NIBAN3: variants seen among roughly 807,000 people sequenced by gnomAD.
NIBAN3 encodes the protein protein Niban 3.
Under a neutral mutation model 76.4 loss-of-function variants are expected in NIBAN3, and 66 were observed. The ratio of observed to expected loss-of-function variants is 0.86; its 90% CI spans 0.71 to 1.06. The LOEUF (loss-of-function observed/expected upper bound fraction) is 1.06. NIBAN3 is among the 50% of genes least tolerant of loss of function. NIBAN3 has a pLI of 0.00. For missense variants in NIBAN3, 808 were observed against 810.7 expected (o/e 1.00, Z 0.04); for synonymous variants, 360 against 355.2 (o/e 1.01, Z -0.15).
At chr19:17,547,901 G>A (rs1239445167) in intron 13 of NIBAN3, among the ~76,000 whole-genome samples, 2 of 152,206 alleles carry the variant, frequency 1.3e-5, no homozygotes, top group East Asian at 1.9e-4. Context: ...TCATGACCTC[G>A]TGATCCGCCT....
chr19:17,552,948 AT>A lies in NIBAN3; in HGVS notation c.*1051del, dbSNP rs2076178601. The A allele has an allele frequency of 1.3e-5, 2 of 150,534 alleles. No individual in the cohort carries two copies. The highest frequency in any genetic ancestry group is 2.4e-5 in the African/African-American group (1 of 40,968). 9.3% of individuals were successfully genotyped at this position (150,534 alleles called of 1,614,324 possible). ...AATAAATAAATAAATAAATAAATAA[AT>A]AAATAAAATTTAAAAGAAGCTGGGC... On this transcript the variant is annotated 3_prime_UTR_variant, in exon 15 of 15. Transcript: ENST00000599164.
chr19:17,531,926 GCA>G (rs1263469996), intron 2 of NIBAN3, among the ~76,000 whole-genome samples: 4 of 152,226 alleles, frequency 2.6e-5, no homozygotes, highest in Admixed American at 1.3e-4. Context: ...GGAAACTGAG[GCA>G]CAGAGAGGCC....
chr19:17,530,062 A>C (rs1164218321), intron 1 of NIBAN3, among the ~76,000 whole-genome samples: 1 of 150,324 alleles, frequency 6.7e-6, no homozygotes, highest in Admixed American at 6.6e-5. Context: ...GTCTCAAAAA[A>C]AAGAAAAAAA....
At chr19:17,547,812 G>T (rs1681647377) in intron 13 of NIBAN3, among the ~76,000 whole-genome samples, 1 of 151,282 alleles carries the variant, frequency 6.6e-6, no homozygotes, top group South Asian at 2.1e-4. Context: ...GACTACAGGT[G>T]CATGCCAGCA....
chr19:17,552,671 C>T lies in NIBAN3; in HGVS notation c.*773C>T, dbSNP rs1458752074. On this transcript the variant is annotated 3_prime_UTR_variant, in exon 15 of 15. Coordinates refer to ENST00000599164, the MANE Select transcript of NIBAN3 (RefSeq NM_001321827.2). ...TATGGCCAGGCGTGGCAGTGCACAC[C>T]TGTAATCCCAGCACTTTGGGAGGCT... The T allele has an allele frequency of 6.6e-6, 1 of 152,050 alleles. No homozygotes were observed. The highest frequency in any genetic ancestry group is 2.4e-5 in the African/African-American group (1 of 41,386). The allele number at this position is 152,050 out of a possible 1,614,324, so 9.4% of individuals were successfully genotyped here. A position where few individuals can be genotyped will look rare whatever the true frequency, so the allele number is the denominator to read the frequency against.
upstream of NIBAN3, among the ~76,000 whole-genome samples, chr19:17,524,862 A>G (rs547345211): frequency 6.4e-4 from 97 of 152,154 alleles, no homozygotes; most frequent in Non-Finnish European, 1.2e-3. Context: ...TAGCATGAAG[A>G]AGCTTCCCAG....
intron 12 of NIBAN3, among the ~76,000 whole-genome samples, chr19:17,544,435 A>T (rs1489948046): frequency 6.6e-6 from 1 of 152,182 alleles, no homozygotes; most frequent in Admixed American, 6.5e-5. Flanking sequence ...GGTCCCACAC[A>T]TCGCATATCA....
chr19:17,536,650 C>T (rs1453937209), intron 4 of NIBAN3, among the ~76,000 whole-genome samples: 1 of 152,156 alleles, frequency 6.6e-6, no homozygotes, highest in Non-Finnish European at 1.5e-5. Context: ...AGGGATCCTC[C>T]CACTTCAGCC....
chr19:17,542,434 G>C lies in NIBAN3; in HGVS notation c.1329+140G>C, dbSNP rs1020373896. 1.1e-6 allele frequency: 1 copy of C among 897,466 alleles called. No individual in the cohort carries two copies. The highest frequency in any genetic ancestry group is 1.7e-5 in the African/African-American group (1 of 59,228). The allele number at this position is 897,466 out of a possible 1,614,324, so 55.6% of individuals were successfully genotyped here. On this transcript the variant is annotated intron_variant, in intron 10 of 14. Transcript: ENST00000599164. The surrounding 1 kb of genome is among the most constrained non-coding windows in gnomAD (Gnocchi z 4.8). ...CAGTCTCATGGGGACATGAGCCCGT[G>C]ACCAGGCAGCAGCCACATGTGGTGG... is the stretch of plus-strand genomic sequence containing the variant.
upstream of NIBAN3, chr19:17,527,172 G>A: frequency 6.6e-7 from 1 of 1,509,164 alleles, no homozygotes; most frequent in Non-Finnish European, 8.9e-7. Context: ...GGCAACACGG[G>A]CCCCAGGGGA....
Position 17,553,570 on chromosome 19 carries a change from C to T in NIBAN3, c.*1672C>T. Reference sequence around the variant, plus strand: ...GCCTACCCCAAGACAATGAGATATTCCTGACCTTTCCACCTATTTCCCTCC... The same window carrying T: ...GCCTACCCCAAGACAATGAGATATTTCTGACCTTTCCACCTATTTCCCTCC... On this transcript the variant is annotated 3_prime_UTR_variant, in exon 15 of 15. Transcript: ENST00000599164. The T allele has an allele frequency of 1.2e-6, 2 of 1,611,288 alleles. No homozygotes were observed. Among genetic ancestry groups the T allele is most frequent in the Non-Finnish European group, 1.7e-6 (2 of 1,177,468 alleles).
At position 17,537,430 on chromosome 19, in the gene NIBAN3, C is replaced by A; in HGVS notation, c.482C>A (p.Pro161Gln). 2.5e-6 allele frequency: 4 copies of A among 1,614,094 alleles called. No homozygotes were observed. The highest frequency in any genetic ancestry group is 3.4e-6 in the Non-Finnish European group (4 of 1,180,020). Residue 161 changes from proline to glutamine, a missense_variant, in exon 5 of 15, where the codon CCG (proline) becomes CAG (glutamine). Coordinates refer to ENST00000599164, the MANE Select transcript of NIBAN3 (RefSeq NM_001321827.2). ...CTCTTGGAAGTGCCTGTGAGCTTCC[C>A]GCTGTTCCTGCAGCACCCCTTCCGC... ...DSLLEVPVSF[P>Q]LFLQHPFRRH... is the part of the protein sequence containing the mutation.
downstream of NIBAN3, chr19:17,553,727 C>T: frequency 1.5e-6 from 1 of 680,400 alleles, no homozygotes. Flanking sequence ...ATTTGTCATC[C>T]TGCCCCTTTT....
rs370554838 is a variant in NIBAN3 at position 17,540,592 on chromosome 19, C to T, written c.1170+10C>T. The T allele has an allele frequency of 1.2e-5, 18 of 1,474,958 alleles. No individual in the cohort carries two copies. Among genetic ancestry groups the T allele is most frequent in the Non-Finnish European group, 1.6e-5 (18 of 1,109,340 alleles). The allele number at this position is 1,474,958 out of a possible 1,614,324, so 91.4% of individuals were successfully genotyped here. A position where few individuals can be genotyped will look rare whatever the true frequency, so the allele number is the denominator to read the frequency against. ...GCGGCTGCGCAGGGAGGTGAGCTCC[C>T]GTGGGTAGGGGTTCAGTGAGCCAGA... is the stretch of plus-strand genomic sequence containing the variant. On this transcript the variant is annotated intron_variant, in intron 9 of 14. Transcript: ENST00000599164.
At chr19:17,543,026 G>A (rs574031544) in intron 10 of NIBAN3, among the ~76,000 whole-genome samples, 4 of 152,218 alleles carry the variant, frequency 2.6e-5, no homozygotes, top group Non-Finnish European at 5.9e-5. Context: ...AAAGCACTCA[G>A]TGGAGGAGGC....
At chr19:17,554,497 T>C (rs907422392), downstream of NIBAN3, among the ~76,000 whole-genome samples, 2 of 150,296 alleles carry the variant, frequency 1.3e-5, no homozygotes, top group Non-Finnish European at 3.0e-5. Flanking sequence ...GTGAAAATAA[T>C]AATAAGCTGG....
downstream of NIBAN3, chr19:17,553,695 T>C (rs1301177370): frequency 7.8e-6 from 6 of 769,158 alleles, no homozygotes; most frequent in East Asian, 1.2e-4. Context: ...ATGTTAATTC[T>C]GGAACAATTG....
chr19:17,527,372 A>G lies in NIBAN3; in HGVS notation c.32A>G (p.Lys11Arg), dbSNP rs1257567232. The change falls in exon 1 of 15, where the codon AAG becomes AGG. Residue 11 changes from lysine (K) to arginine (R), a missense_variant. Lys to Arg is a conservative substitution (Grantham distance 26, BLOSUM62 2). Coordinates refer to ENST00000599164, the MANE Select transcript of NIBAN3 (RefSeq NM_001321827.2). Reference sequence around the variant, plus strand: ...GGGCGGCCTTCGAGCCCTCTGGACAAGCAGCAGCGGCAGCACCTAAGGGGT... The same window carrying G: ...GGGCGGCCTTCGAGCCCTCTGGACAGGCAGCAGCGGCAGCACCTAAGGGGT... The part of the protein sequence containing the change: MGGRPSSPLD[K>R]QQRQHLRGQV... 3 of 1,516,292 alleles carry G rather than the reference A, an allele frequency of 2.0e-6. No individual in the cohort carries two copies. Among genetic ancestry groups the G allele is most frequent in the Middle Eastern group, 1.9e-4 (1 of 5,238 alleles). The allele number at this position is 1,516,292 out of a possible 1,614,324, so 93.9% of individuals were successfully genotyped here. A position where few individuals can be genotyped will look rare whatever the true frequency, so the allele number is the denominator to read the frequency against.
upstream of NIBAN3, among the ~76,000 whole-genome samples, chr19:17,524,490 G>A (rs1261791875): frequency 6.6e-6 from 1 of 151,484 alleles, no homozygotes. Context: ...TCACCATGTT[G>A]GCCAGGCTGG....
Sources: gnomAD v4.1 joint callset for allele counts (sites outside exome capture counted in the v4.1 genomes callset) on GRCh38, gnomAD v4.1.1 for gene constraint, Gnocchi (gnomAD v3.1) non-coding constraint, MANE v1.5 for transcripts, NCBI Gene and HGNC (gene_info 2026-07-23, HGNC 2026-07-21) for gene names.